The following RAB27B variants were observed in gnomAD, a reference collection of about 807,000 sequenced individuals.
RAB27B encodes RAB27B, member RAS oncogene family, also known as ras-related protein Rab-27B.
In RAB27B, 15 loss-of-function variants were observed where a neutral mutation model predicts 24.6. The ratio of observed to expected loss-of-function variants is 0.61; its 90% CI spans 0.41 to 0.94. The LOEUF (loss-of-function observed/expected upper bound fraction) is 0.94, where lower values mean the gene tolerates loss of function less well. Among genes scored for constraint, RAB27B ranks in the 40% least tolerant of loss-of-function variants. The probability of loss-of-function intolerance (pLI) is 0.00; values close to 1 mark genes in which losing one functional copy is unlikely to be tolerated. For synonymous variants in RAB27B, 105 were observed against 92.5 expected (o/e 1.14, Z -0.78); for missense variants, 261 against 266.8 (o/e 0.98, Z 0.15).
intron 1 of RAB27B, among the ~76,000 whole-genome samples, chr18:54,851,775 A>G (rs988337268): frequency 5.3e-5 from 8 of 152,202 alleles, no homozygotes; most frequent in Admixed American, 3.9e-4. Context: ...CAGAATCTCC[A>G]AGGATCATTC....
chr18:54,720,863 C>A (rs115187499), intron 2 of RAB27B, among the ~76,000 whole-genome samples: 68 of 152,076 alleles, frequency 4.5e-4, no homozygotes, highest in African/African-American at 1.6e-3. Flanking sequence ...AATCTGTTGG[C>A]CACATACACA....
chr18:54,824,930 G>A (rs754256627), upstream of RAB27B, among the ~76,000 whole-genome samples: 1 of 151,506 alleles, frequency 6.6e-6, no homozygotes, highest in South Asian at 2.1e-4. Flanking sequence ...TGCCTCTTAT[G>A]TTGGGCCTGC....
chr18:54,880,254 AC>A (rs542478315), intron 3 of RAB27B: 65 of 152,262 alleles, frequency 4.3e-4, no homozygotes, highest in African/African-American at 1.5e-3. Flanking sequence ...CCAAGCTAAT[AC>A]TCGGTAGACA....
intron 2 of RAB27B, among the ~76,000 whole-genome samples, chr18:54,761,942 G>T (rs1172686263): frequency 6.6e-6 from 1 of 152,158 alleles, no homozygotes; most frequent in East Asian, 1.9e-4. Context: ...TAAGAATTGA[G>T]ATGAGATCCT....
At chr18:54,857,702 G>A (rs1242281185) in intron 1 of RAB27B, among the ~76,000 whole-genome samples, 3 of 151,976 alleles carry the variant, frequency 2.0e-5, no homozygotes, top group African/African-American at 7.3e-5. Flanking sequence ...GCATTCATGT[G>A]TGCACATGTG....
At chr18:54,883,514 T>C (rs2145284392) in intron 3 of RAB27B, among the ~76,000 whole-genome samples, 1 of 152,266 alleles carries the variant, frequency 6.6e-6, no homozygotes, top group East Asian at 1.9e-4. Context: ...TGGTCTCTGG[T>C]TTTGCCCATT....
rs940106580 is a variant in RAB27B at position 54,895,115 on chromosome 18, C to A, written c.*5702C>A. The A allele has an allele frequency of 1.2e-4, 1 of 8,328 alleles. No individual in the cohort carries two copies. Among genetic ancestry groups the A allele is most frequent in the African/African-American group, 1.3e-4 (1 of 7,510 alleles). The allele number at this position is 8,328 out of a possible 1,614,324, so 0.5% of individuals were successfully genotyped here. A position where few individuals can be genotyped will look rare whatever the true frequency, so the allele number is the denominator to read the frequency against. ...ATTATTTTTTAAAAAAATAAATTAT[C>A]CTGCTTTAGTTAGTGTGTTAAAAGT... is the stretch of plus-strand genomic sequence containing the variant. On this transcript the variant is annotated 3_prime_UTR_variant, in exon 6 of 6. Transcript: ENST00000262094.
intron 2 of RAB27B, among the ~76,000 whole-genome samples, chr18:54,754,348 CTCTT>C (rs66855690): frequency 0.064 from 9,696 of 152,222 alleles, 391 homozygotes; most frequent in African/African-American, 0.091. Context: ...TCAATTAAAT[CTCTT>C]TCTTTTATAA....
intron 2 of RAB27B, among the ~76,000 whole-genome samples, chr18:54,742,454 T>C (rs1345404280): frequency 6.6e-6 from 1 of 152,148 alleles, no homozygotes; most frequent in African/African-American, 2.4e-5. Context: ...CAGGAGGAAG[T>C]TGGGGTCAGT....
intron 1 of RAB27B, among the ~76,000 whole-genome samples, chr18:54,861,360 T>A (rs1188720735): frequency 6.6e-6 from 1 of 152,244 alleles, no homozygotes; most frequent in East Asian, 1.9e-4. Flanking sequence ...ATACATTTAA[T>A]ATCCTTTCAT....
chr18:54,786,041 CCTT>C (rs952269308), intron 2 of RAB27B, among the ~76,000 whole-genome samples: 7 of 152,142 alleles, frequency 4.6e-5, no homozygotes, highest in Admixed American at 1.3e-4. Flanking sequence ...TCTGTCTCAT[CCTT>C]CTTCTCCTTT....
chr18:54,864,689 A>G (rs1350262414), intron 1 of RAB27B, among the ~76,000 whole-genome samples: 2 of 152,064 alleles, frequency 1.3e-5, no homozygotes, highest in African/African-American at 4.8e-5. Context: ...TTGTCCTGCC[A>G]CCCTTGTCAC....
At chr18:54,832,208 C>G (rs959460016) in intron 1 of RAB27B, among the ~76,000 whole-genome samples, 1 of 152,088 alleles carries the variant, frequency 6.6e-6, no homozygotes, top group East Asian at 1.9e-4. Flanking sequence ...AGGGTCAGAA[C>G]AGTGGCCACC....
At chr18:54,868,990 G>C (rs1912360845) in intron 1 of RAB27B, among the ~76,000 whole-genome samples, 1 of 152,080 alleles carries the variant, frequency 6.6e-6, no homozygotes, top group Non-Finnish European at 1.5e-5. Flanking sequence ...GTACTGTTTT[G>C]TTCCTCCTGA....
intron 2 of RAB27B, among the ~76,000 whole-genome samples, chr18:54,726,261 T>C (rs1909534037): frequency 6.6e-6 from 1 of 151,636 alleles, no homozygotes; most frequent in East Asian, 1.9e-4. Context: ...GTATATTTAG[T>C]ATTCCAGTTT....
chr18:54,834,831 A>G (rs1910831951), intron 1 of RAB27B, among the ~76,000 whole-genome samples: 1 of 150,956 alleles, frequency 6.6e-6, no homozygotes, highest in African/African-American at 2.5e-5. Flanking sequence ...GTTCTAGCAC[A>G]TAAATTTATT....
At chr18:54,767,442 CTG>C (rs2145062710) in intron 2 of RAB27B, among the ~76,000 whole-genome samples, 1 of 152,256 alleles carries the variant, frequency 6.6e-6, no homozygotes, top group Admixed American at 6.5e-5. Context: ...AGTTATTCAA[CTG>C]TGTATTTTTG....
chr18:54,799,346 A>G (rs1368388220), intron 2 of RAB27B, among the ~76,000 whole-genome samples: 6 of 152,212 alleles, frequency 3.9e-5, no homozygotes, highest in Admixed American at 3.9e-4. Flanking sequence ...AGAAACAAGT[A>G]AATCAACTGG....
intron 2 of RAB27B, among the ~76,000 whole-genome samples, chr18:54,779,023 A>G (rs1033681142): frequency 6.6e-6 from 1 of 152,016 alleles, no homozygotes; most frequent in Non-Finnish European, 1.5e-5. Flanking sequence ...TATTTTTAGT[A>G]AAGACAGAGT....
Sources: gnomAD v4.1 joint callset for allele counts (sites outside exome capture counted in the v4.1 genomes callset) on GRCh38, gnomAD v4.1.1 for gene constraint, MANE v1.5 for transcripts, NCBI Gene and HGNC (gene_info 2026-07-23, HGNC 2026-07-21) for gene names.